The following AK9 variants were observed in gnomAD, a reference collection of about 807,000 sequenced individuals.
AK9 encodes adenylate kinase 9, also known as adenylate kinase domain containing 1.
In AK9, 191 loss-of-function variants were observed where a neutral mutation model predicts 239.6. The observed-to-expected ratio is 0.80, with a 90% CI of 0.71 to 0.90. The LOEUF is 0.90. Ranked by LOEUF, AK9 falls within the 40% of genes least tolerant of loss-of-function variation. The pLI, the probability that AK9 is intolerant of heterozygous loss-of-function variation, is 0.00. For missense variants in AK9, 1,995 were observed against 2,214.7 expected (o/e 0.90, Z 1.99); for synonymous variants, 689 against 721.0 (o/e 0.96, Z 0.71).
At chr6:109,508,706 T>G (rs1778367442) in intron 33 of AK9, among the ~76,000 whole-genome samples, 1 of 152,092 alleles carries the variant, frequency 6.6e-6, no homozygotes. Flanking sequence ...GAAGTGTAAA[T>G]GGAAGAGACA....
chr6:109,579,434 C>T, intron 20 of AK9, 116 bp downstream of exon 20: 1 of 938,028 alleles, frequency 1.1e-6, no homozygotes, highest in Non-Finnish European at 1.6e-6. Context: ...TAAACCTGGG[C>T]TCTCATGGAC....
chr6:109,669,784 C>A (rs9480991), intron 5 of AK9, among the ~76,000 whole-genome samples: 88,576 of 151,942 alleles, frequency 0.58, 27,504 homozygotes, highest in East Asian at 0.84. Flanking sequence ...TGTATTTAGC[C>A]GAGTGCTAGG....
chr6:109,668,575 T>A (rs897813867), intron 5 of AK9, among the ~76,000 whole-genome samples: 1 of 148,050 alleles, frequency 6.8e-6, no homozygotes, highest in African/African-American at 2.5e-5. Context: ...AATTTTTGTA[T>A]GAGGTGTAAG....
At chr6:109,683,009 G>T (rs1401101555) in intron 1 of AK9, among the ~76,000 whole-genome samples, 1 of 152,144 alleles carries the variant, frequency 6.6e-6, no homozygotes, top group Non-Finnish European at 1.5e-5. Flanking sequence ...ATAAAATGCT[G>T]GCAAACTGAA....
intron 3 of AK9, among the ~76,000 whole-genome samples, chr6:109,673,344 A>G (rs1160194178): frequency 2.0e-5 from 3 of 152,192 alleles, no homozygotes; most frequent in African/African-American, 7.2e-5. Flanking sequence ...TAGTAATTGT[A>G]AAGATTCACT....
intron 5 of AK9, among the ~76,000 whole-genome samples, chr6:109,663,233 G>A (rs544410769): frequency 2.5e-4 from 38 of 151,878 alleles, no homozygotes; most frequent in African/African-American, 8.5e-4. Context: ...GAAATTCACC[G>A]TTTACCATCA....
intron 17 of AK9, among the ~76,000 whole-genome samples, chr6:109,599,667 G>A (rs1295483196): frequency 6.6e-6 from 1 of 152,166 alleles, no homozygotes; most frequent in Non-Finnish European, 1.5e-5. Context: ...ACCTTGGGCA[G>A]TATGGCCATT....
At chr6:109,573,370 C>T (rs1787670286) in intron 21 of AK9, 72 bp downstream of exon 21, 1 of 1,428,640 alleles carries the variant, frequency 7.0e-7, no homozygotes, top group South Asian at 1.5e-5. Context: ...AACAGGTATA[C>T]ATACACATAC....
intron 9 of AK9, 54 bp downstream of exon 9, chr6:109,644,560 A>T (rs1467851837): frequency 2.1e-6 from 3 of 1,443,450 alleles, no homozygotes; most frequent in Non-Finnish European, 2.8e-6. Flanking sequence ...CAATACTGTC[A>T]ATAGATTTAA....
rs769245539 is a variant in AK9 at position 109,550,343 on chromosome 6, A to G, written c.2752-41T>C. 4.5e-6 allele frequency: 7 copies of G among 1,544,612 alleles called. No individual in the cohort carries two copies. In the Admixed American group the frequency reaches 1.2e-4, roughly 26 times the overall value. On this transcript the variant is annotated intron_variant, in intron 24 of 40. Transcript: ENST00000424296. Reference sequence around the variant, plus strand: ...AAAGTTTGGAGAACATTAAACTAAAAAAGTATTTTGATGCAGATAATTTTT... The same window carrying G: ...AAAGTTTGGAGAACATTAAACTAAAGAAGTATTTTGATGCAGATAATTTTT...
rs1421617163 is a variant in AK9, at chr6:109,622,233, A to T, written c.1255-2997T>A. 2.8e-5 allele frequency among the ~76,000 whole-genome samples: 4 copies of T among 144,752 alleles called. No individual in the cohort carries two copies. The South Asian group carries it at 6.4e-4, about 23-fold the overall frequency. The allele number at this position is 144,752 out of a possible 152,430, so 95.0% of individuals were successfully genotyped here. A position where few individuals can be genotyped will look rare whatever the true frequency, so the allele number is the denominator to read the frequency against. On this transcript the variant is annotated intron_variant, in intron 12 of 40. Transcript: ENST00000424296. ...ATTTTAGACATTATATATAATATAC[A>T]TATTATATTATATATTATGTACATA...
At chr6:109,659,118 TA>T in intron 7 of AK9, 109 bp downstream of exon 7, 1 of 1,305,618 alleles carries the variant, frequency 7.7e-7, no homozygotes, top group Non-Finnish European at 1.0e-6. Flanking sequence ...AATAAAGATG[TA>T]AAGAAAATGT....
chr6:109,586,698 G>A (rs1044232870), intron 17 of AK9, among the ~76,000 whole-genome samples: 1 of 152,098 alleles, frequency 6.6e-6, no homozygotes, highest in Non-Finnish European at 1.5e-5. Flanking sequence ...CCTACTGATG[G>A]CAGTAGGAAG....
chr6:109,611,705 G>C (rs949154579), intron 16 of AK9, among the ~76,000 whole-genome samples: 6 of 152,066 alleles, frequency 3.9e-5, no homozygotes, highest in Admixed American at 2.0e-4. Flanking sequence ...GTGATGGCTG[G>C]AGCTCCAGCA....
At chr6:109,674,317 C>T (rs910533554) in intron 2 of AK9, 56 bp from the exon 3 acceptor site, 41 of 1,216,564 alleles carry the variant, frequency 3.4e-5, no homozygotes, top group Non-Finnish European at 4.6e-5. Context: ...GCCAGTGACA[C>T]AGATACAGCA....
In AK9 at chr6:109,659,431, T is replaced by G. The variant is rs1447798215; in HGVS notation, c.445-18A>C. 6.3e-7 allele frequency: 1 copy of G among 1,581,110 alleles called. No individual in the cohort carries two copies. Among genetic ancestry groups the G allele is most frequent in the Admixed American group, 1.8e-5 (1 of 55,786 alleles). Reference sequence around the variant, plus strand: ...TCAGGACACTAAGAAACAACATTATTAAATCACTTAAAACATTTTGAATAT... The same window carrying G: ...TCAGGACACTAAGAAACAACATTATGAAATCACTTAAAACATTTTGAATAT... On this transcript the variant is annotated intron_variant, in intron 6 of 40. Coordinates refer to ENST00000424296, the MANE Select transcript of AK9 (RefSeq NM_001145128.3).
intron 27 of AK9, among the ~76,000 whole-genome samples, chr6:109,537,584 G>GT (rs1203385615): frequency 1.4e-5 from 2 of 140,236 alleles, no homozygotes; most frequent in African/African-American, 2.5e-5. Flanking sequence ...TTTTTGAAGG[G>GT]TTTTTTGTGT....
intron 32 of AK9, among the ~76,000 whole-genome samples, chr6:109,513,031 T>C (rs568207993): frequency 2.6e-4 from 39 of 152,204 alleles, no homozygotes; most frequent in Admixed American, 2.0e-3. Context: ...TCCCAGCTAA[T>C]GTTTTAATTT....
intron 1 of AK9, among the ~76,000 whole-genome samples, chr6:109,683,854 C>T (rs1462865666): frequency 6.6e-6 from 1 of 152,160 alleles, no homozygotes; most frequent in Non-Finnish European, 1.5e-5. Flanking sequence ...ATGCTATCCC[C>T]ATCAAGCTAC....
Sources: gnomAD v4.1 joint callset for allele counts (sites outside exome capture counted in the v4.1 genomes callset) on GRCh38, gnomAD v4.1.1 for gene constraint, MANE v1.5 for transcripts, NCBI Gene and HGNC (gene_info 2026-07-23, HGNC 2026-07-21) for gene names.